The following NEDD4 variants were observed in gnomAD, a reference collection of about 807,000 sequenced individuals.
NEDD4 encodes the protein E3 ubiquitin-protein ligase NEDD4.
Under a neutral mutation model 144.9 loss-of-function variants are expected in NEDD4, and 99 were observed. The observed-to-expected ratio is 0.68, with a 90% CI of 0.58 to 0.81. The LOEUF (loss-of-function observed/expected upper bound fraction) is 0.81, where lower values mean the gene tolerates loss of function less well. NEDD4 is among the 30% of genes least tolerant of loss of function. The probability of loss-of-function intolerance (pLI) is 0.00; values close to 1 mark genes in which losing one functional copy is unlikely to be tolerated. For synonymous variants in NEDD4, 318 were observed against 350.6 expected, an observed-to-expected ratio of 0.91 and a Z score of 1.04; for missense variants, 985 against 1,065.9, an observed-to-expected ratio of 0.92 and a Z score of 1.06.
chr15:55,845,287 C>T (rs1322262931), intron 18 of NEDD4, among the ~76,000 whole-genome samples: 3 of 152,122 alleles, frequency 2.0e-5, no homozygotes, highest in African/African-American at 7.2e-5. Context: ...TATGACATGT[C>T]ATGTTGCTTA....
chr15:55,950,769 A>C (rs866208822), intron 4 of NEDD4, among the ~76,000 whole-genome samples: 1 of 152,168 alleles, frequency 6.6e-6, no homozygotes, highest in Non-Finnish European at 1.5e-5. Flanking sequence ...GTCAAGGAAG[A>C]ACATTTTAGG....
intron 1 of NEDD4, 59 bp from the exon 2 acceptor site, chr15:55,966,605 T>G: frequency 1.2e-6 from 1 of 818,038 alleles, no homozygotes; most frequent in South Asian, 2.4e-5. Context: ...TAAGACACAA[T>G]TTTTTAAAAA....
intron 2 of NEDD4, among the ~76,000 whole-genome samples, chr15:55,954,974 TTTGCACTGCACTGCATTGTATTGCA>T (rs1231872703): frequency 1.4e-5 from 2 of 147,206 alleles, no homozygotes; most frequent in South Asian, 2.1e-4. Flanking sequence ...TCTACCCTAT[TTTGCACTGCACTGCATTGTATTGCA>T]TTGCACTGCA....
chr15:55,965,887 A>G (rs1262203806), intron 2 of NEDD4, among the ~76,000 whole-genome samples: 2 of 152,086 alleles, frequency 1.3e-5, no homozygotes, highest in African/African-American at 4.8e-5. Context: ...CTGACCCTCA[A>G]CTGATCCGCC....
At chr15:55,901,247 A>G (rs2035906075) in intron 5 of NEDD4, among the ~76,000 whole-genome samples, 1 of 152,170 alleles carries the variant, frequency 6.6e-6, no homozygotes, top group African/African-American at 2.4e-5. Flanking sequence ...AAAACTGAAG[A>G]GAAAAAAGTC....
intron 1 of NEDD4, among the ~76,000 whole-genome samples, chr15:55,989,674 C>A (rs1217702413): frequency 6.6e-6 from 1 of 152,206 alleles, no homozygotes; most frequent in East Asian, 1.9e-4. Context: ...TCCTTCTTTT[C>A]CTTGCTTCAG....
At chr15:55,858,746 G>A (rs867405674) in intron 11 of NEDD4, among the ~76,000 whole-genome samples, 1 of 152,212 alleles carries the variant, frequency 6.6e-6, no homozygotes, top group South Asian at 2.1e-4. Context: ...TCATATTCAC[G>A]TACAACTATC....
intron 24 of NEDD4, among the ~76,000 whole-genome samples, chr15:55,836,002 G>GT (rs1240221941): frequency 6.6e-6 from 1 of 152,100 alleles, no homozygotes; most frequent in Non-Finnish European, 1.5e-5. Context: ...CAGGCTGATT[G>GT]TTTCCCTCTT....
chr15:55,981,075 G>C (rs2037794277), intron 1 of NEDD4, among the ~76,000 whole-genome samples: 1 of 145,870 alleles, frequency 6.9e-6, no homozygotes, highest in Non-Finnish European at 1.5e-5. Context: ...TCTCACCTCT[G>C]TCGCCCAGGC....
intron 5 of NEDD4, among the ~76,000 whole-genome samples, chr15:55,903,790 AC>A (rs2035990153): frequency 7.0e-6 from 1 of 143,524 alleles, no homozygotes; most frequent in South Asian, 2.2e-4. Flanking sequence ...GTGCCACTGC[AC>A]TCCAGCCTGG....
intron 5 of NEDD4, among the ~76,000 whole-genome samples, chr15:55,912,462 A>G (rs1438118520): frequency 7.2e-5 from 11 of 152,232 alleles, no homozygotes; most frequent in African/African-American, 2.6e-4. Flanking sequence ...AAAAGAAAAA[A>G]TGTAAAAAAT....
chr15:55,887,877 G>A (rs1341057007), intron 5 of NEDD4, among the ~76,000 whole-genome samples: 2 of 152,072 alleles, frequency 1.3e-5, no homozygotes, highest in Non-Finnish European at 2.9e-5. Context: ...ATGAAGTATT[G>A]ATTATAAACA....
intron 21 of NEDD4, among the ~76,000 whole-genome samples, chr15:55,840,000 AT>A (rs11275785): frequency 0.11 from 1,370 of 13,012 alleles, 137 homozygotes; most frequent in East Asian, 0.22. Flanking sequence ...AAAAAAAAAA[AT>A]ATATATATAT....
intron 4 of NEDD4, among the ~76,000 whole-genome samples, chr15:55,938,410 C>A (rs562152260): frequency 1.3e-5 from 2 of 151,802 alleles, no homozygotes; most frequent in Non-Finnish European, 2.9e-5. Flanking sequence ...GATATCCATA[C>A]GCAAAAGAAA....
At chr15:55,935,809 T>TAC (rs1235186105) in intron 4 of NEDD4, among the ~76,000 whole-genome samples, 26 of 132,228 alleles carry the variant, frequency 2.0e-4, no homozygotes, top group African/African-American at 7.6e-4. Flanking sequence ...ATCGTGCCAC[T>TAC]ACACTCCAGC....
chr15:55,980,276 T>C (rs1456410632), intron 1 of NEDD4, among the ~76,000 whole-genome samples: 1 of 152,170 alleles, frequency 6.6e-6, no homozygotes. Context: ...ACAAACAGAA[T>C]ACTTGGCGCA....
chr15:55,987,857 G>A (rs1275480049), intron 1 of NEDD4: 2 of 87,752 alleles, frequency 2.3e-5, no homozygotes, highest in Non-Finnish European at 4.6e-5. Flanking sequence ...CCAGTACCAT[G>A]CTGTTTTGGT....
At chr15:55,866,761 C>A (rs1282058778) in intron 8 of NEDD4, among the ~76,000 whole-genome samples, 1 of 152,036 alleles carries the variant, frequency 6.6e-6, no homozygotes, top group Non-Finnish European at 1.5e-5. Context: ...TTAAAAAAGA[C>A]CTGTCTCAAA....
At chr15:55,963,128 C>CTTTTTTTTTTT (rs754905603) in intron 2 of NEDD4, among the ~76,000 whole-genome samples, 2 of 142,656 alleles carry the variant, frequency 1.4e-5, no homozygotes, top group African/African-American at 2.6e-5. Context: ...TTCTGGCACT[C>CTTTTTTTTTTT]TTTTTTATTT....
Sources: allele counts gnomAD v4.1 joint callset (sites outside exome capture counted in the v4.1 genomes callset), GRCh38; gene constraint gnomAD v4.1.1; transcripts MANE v1.5; gene names NCBI Gene and HGNC (gene_info 2026-07-23, HGNC 2026-07-21).